Variants in PCDH7 observed in about 807,000 individuals in gnomAD.
PCDH7 encodes protocadherin-7.
Under a neutral mutation model 58.9 loss-of-function variants are expected in PCDH7, and 17 were observed. That is an observed-to-expected ratio of 0.29 (90% CI 0.20 to 0.43). PCDH7 has a LOEUF of 0.43. Ranked by LOEUF, PCDH7 falls within the 20% of genes least tolerant of loss-of-function variation. The pLI is 1.00. For missense variants in PCDH7, 1,274 were observed against 1,441.0 expected, an observed-to-expected ratio of 0.88 and a Z score of 1.88; for synonymous variants, 664 against 616.4, an observed-to-expected ratio of 1.08 and a Z score of -1.14.
chr4:31,048,641 A>G (rs1370742047), intron 3 of PCDH7, among the ~76,000 whole-genome samples: 4 of 152,054 alleles, frequency 2.6e-5, no homozygotes, highest in Non-Finnish European at 4.4e-5. Flanking sequence ...AGCTTTTACT[A>G]CAAATAGTTG....
intron 3 of PCDH7, among the ~76,000 whole-genome samples, chr4:30,965,015 A>T (rs1182370160): frequency 2.6e-5 from 4 of 152,188 alleles, no homozygotes; most frequent in African/African-American, 9.7e-5. Flanking sequence ...CAAAGCACTT[A>T]TGGCATGCTC....
chr4:30,992,235 A>T (rs1560560842), intron 3 of PCDH7, among the ~76,000 whole-genome samples: 1 of 152,344 alleles, frequency 6.6e-6, no homozygotes, highest in African/African-American at 2.4e-5. Flanking sequence ...TTAATGTTGC[A>T]TAACGGTCAT....
intron 3 of PCDH7, among the ~76,000 whole-genome samples, chr4:31,049,462 G>A (rs1303966652): frequency 6.6e-6 from 1 of 152,016 alleles, no homozygotes; most frequent in African/African-American, 2.4e-5. Context: ...GGGCAGCCTG[G>A]GAAGCAACAG....
chr4:31,109,055 T>C (rs962239825), intron 3 of PCDH7, among the ~76,000 whole-genome samples: 1 of 152,216 alleles, frequency 6.6e-6, no homozygotes, highest in Non-Finnish European at 1.5e-5. Flanking sequence ...CCCATCAGGC[T>C]GGCTCAGGCT....
chr4:30,920,146 T>G lies in PCDH7; in HGVS notation c.71-7T>G. 3.7e-6 allele frequency: 5 copies of G among 1,366,380 alleles called. No homozygotes were observed. The highest frequency in any genetic ancestry group is 4.9e-6 in the Non-Finnish European group (5 of 1,020,960). 84.6% of individuals were successfully genotyped at this position (1,366,380 alleles called of 1,614,324 possible). On this transcript the variant is annotated splice_region_variant and splice_polypyrimidine_tract_variant and intron_variant, in intron 1 of 3. Coordinates refer to the PCDH7 transcript ENST00000509759. ...CGTAGTGACATTCAGAATCTTTTCT[T>G]TTGCAGCCATTTCGTAGAGTGACGT...
intron 1 of PCDH7, among the ~76,000 whole-genome samples, chr4:30,742,329 C>G (rs1453902587): frequency 2.0e-5 from 3 of 152,058 alleles, no homozygotes; most frequent in African/African-American, 7.2e-5. Flanking sequence ...ATATTGCTTG[C>G]TAATCATTAG....
chr4:31,099,592 T>C (rs530601475), intron 3 of PCDH7, among the ~76,000 whole-genome samples: 36 of 152,326 alleles, frequency 2.4e-4, no homozygotes, highest in African/African-American at 8.7e-4. Flanking sequence ...GCTAACTGTG[T>C]CAGGCACTGC....
At chr4:30,739,021 A>G (rs1577602782) in intron 1 of PCDH7, among the ~76,000 whole-genome samples, 1 of 151,404 alleles carries the variant, frequency 6.6e-6, no homozygotes, top group Non-Finnish European at 1.5e-5. Flanking sequence ...GGACAAATTA[A>G]AAATTATGCT....
chr4:31,098,295 TG>T (rs1257900716), intron 3 of PCDH7, among the ~76,000 whole-genome samples: 4 of 152,240 alleles, frequency 2.6e-5, no homozygotes, highest in African/African-American at 9.6e-5. Context: ...AAGCTATTTT[TG>T]TGAAATGTAT....
At chr4:30,755,125 C>A (rs1325030717) in intron 1 of PCDH7, among the ~76,000 whole-genome samples, 2 of 152,130 alleles carry the variant, frequency 1.3e-5, no homozygotes, top group East Asian at 1.9e-4. Context: ...TTCTTATGTC[C>A]GTTTAAGATT....
At chr4:30,819,092 T>A (rs1728035438) in intron 1 of PCDH7, among the ~76,000 whole-genome samples, 2 of 152,122 alleles carry the variant, frequency 1.3e-5, no homozygotes, top group South Asian at 4.1e-4. Context: ...CATTGCTGAG[T>A]GCTTTTTTAA....
chr4:30,923,398 G>A (rs547754860), intron 2 of PCDH7, among the ~76,000 whole-genome samples: 15 of 152,176 alleles, frequency 9.9e-5, no homozygotes, highest in African/African-American at 3.4e-4. Context: ...TTTTACAAAA[G>A]CGTTATCTTC....
intron 1 of PCDH7, among the ~76,000 whole-genome samples, chr4:30,806,019 C>T (rs1726147613): frequency 1.3e-5 from 2 of 152,138 alleles, no homozygotes; most frequent in African/African-American, 4.8e-5. Context: ...ATTTGAAATC[C>T]AAAATGCTCC....
intron 3 of PCDH7, among the ~76,000 whole-genome samples, chr4:31,116,320 T>C (rs3857021): frequency 0.57 from 86,500 of 152,140 alleles, 27,897 homozygotes; most frequent in African/African-American, 0.88. Context: ...GGTCCATAAA[T>C]GCTGTTTGCA....
At chr4:31,036,014 G>T (rs1299566533) in intron 3 of PCDH7, among the ~76,000 whole-genome samples, 1 of 151,970 alleles carries the variant, frequency 6.6e-6, no homozygotes, top group Non-Finnish European at 1.5e-5. Flanking sequence ...TATGCTTTTT[G>T]TTCCTTAAAC....
Position 30,956,348 on chromosome 4 carries a change from G to A in PCDH7, c.*7+6133G>A, listed in dbSNP as rs371356036. Among the ~76,000 whole-genome samples, 28 of 152,082 alleles carry A rather than the reference G, an allele frequency of 1.8e-4. No homozygotes were observed. In the East Asian group the frequency reaches 4.1e-3, roughly 22 times the overall value. ...TGATAAAATTATCAAATATTTTATC[G>A]GAATTGATGATTTAGAATTTTAACA... On this transcript the variant is annotated intron_variant, in intron 3 of 3. Coordinates refer to the PCDH7 transcript ENST00000509759.
intron 1 of PCDH7, among the ~76,000 whole-genome samples, chr4:30,833,693 A>G (rs1259821705): frequency 6.6e-6 from 1 of 152,188 alleles, no homozygotes; most frequent in Non-Finnish European, 1.5e-5. Context: ...CAGGGAGAAA[A>G]TGTAGAAAAT....
exon 1 of PCDH7, chr4:30,724,208 A>G: frequency 6.2e-7 from 1 of 1,613,986 alleles, no homozygotes; most frequent in East Asian, 2.2e-5. Flanking sequence ...CAACAGCATG[A>G]CAAATCTAAA....
intron 1 of PCDH7, among the ~76,000 whole-genome samples, chr4:30,779,886 C>G (rs1722565046): frequency 6.6e-6 from 1 of 152,140 alleles, no homozygotes; most frequent in Non-Finnish European, 1.5e-5. Flanking sequence ...ACTTGCTATT[C>G]ACTTCATCTT....
Sources: gnomAD v4.1 joint callset for allele counts (sites outside exome capture counted in the v4.1 genomes callset) on GRCh38, gnomAD v4.1.1 for gene constraint, MANE v1.5 for transcripts, NCBI Gene and HGNC (gene_info 2026-07-23, HGNC 2026-07-21) for gene names.